ZNFX1: variants seen among roughly 807,000 people sequenced by gnomAD.
The protein encoded by ZNFX1 is zinc finger NFX1-type containing 1.
A neutral mutation model predicts 179.8 loss-of-function variants in ZNFX1; 78 were observed. That is an observed-to-expected ratio of 0.43 (90% CI 0.36 to 0.52). The LOEUF (loss-of-function observed/expected upper bound fraction) is 0.52. ZNFX1 is among the 20% of genes least tolerant of loss of function. The probability of loss-of-function intolerance (pLI) is 0.00; values close to 1 mark genes in which losing one functional copy is unlikely to be tolerated. For synonymous variants in ZNFX1, 848 were observed against 868.5 expected (o/e 0.98, Z 0.42); for missense variants, 1,927 against 2,386.6 (o/e 0.81, Z 4.01).
chr20:49,269,446 C>T (rs1252444784), intron 3 of ZNFX1, among the ~76,000 whole-genome samples: 2 of 152,128 alleles, frequency 1.3e-5, no homozygotes, highest in Non-Finnish European at 2.9e-5. Context: ...CTTTGGGAGG[C>T]CAAGGCAGGT....
intron 1 of ZNFX1, among the ~76,000 whole-genome samples, chr20:49,276,507 C>T (rs762009403): frequency 2.6e-5 from 4 of 152,204 alleles, no homozygotes; most frequent in African/African-American, 4.8e-5. Flanking sequence ...TTGGCAACTA[C>T]GAGGTGCTGT....
At position 49,247,848 on chromosome 20, in the gene ZNFX1, C is replaced by T; in HGVS notation, c.5176G>A (p.Glu1726Lys). The T allele has an allele frequency of 1.2e-6, 2 of 1,614,160 alleles. No homozygotes were observed. The highest frequency in any genetic ancestry group is 1.1e-5 in the South Asian group (1 of 91,074). ...WDSLKKMHVL[E>K]EKRVRTRLEQ... The stretch of plus-strand genomic sequence containing the variant: ...AGTCGAGTCCTCACTCTTTTCTCTT[C>T]TAAGACATGCATCTTTTTCAGGGAA... Residue 1726 changes from glutamate to lysine, a missense_variant, in exon 14 of 14, where the codon GAA becomes AAA. By Grantham distance (56) the Glu-to-Lys change is moderately conservative. Coordinates refer to ENST00000396105, the MANE Select transcript of ZNFX1 (RefSeq NM_021035.3).
Position 49,247,207 on chromosome 20 carries a change from T to G in ZNFX1, c.*60A>C. 1 of 1,534,580 alleles carries G rather than the reference T, an allele frequency of 6.5e-7. No homozygotes were observed. The highest frequency in any genetic ancestry group is 1.9e-4 in the Middle Eastern group (1 of 5,142). On this transcript the variant is annotated 3_prime_UTR_variant, in exon 14 of 14. Transcript: ENST00000396105. Reference sequence around the variant, plus strand: ...TAAAAAACAAACTTCAGTTCCTTCATTAGGGAGCTGGCCCCAGTCATTCAG... The same window carrying G: ...TAAAAAACAAACTTCAGTTCCTTCAGTAGGGAGCTGGCCCCAGTCATTCAG...
At chr20:49,250,697 G>A (rs1010296076) in intron 13 of ZNFX1, among the ~76,000 whole-genome samples, 1 of 152,038 alleles carries the variant, frequency 6.6e-6, no homozygotes, top group Non-Finnish European at 1.5e-5. Context: ...GATTACAGGC[G>A]CCCACCACCA....
Position 49,270,069 on chromosome 20 carries a change from T to C in ZNFX1, c.1743A>G (p.Arg581=), listed in dbSNP as rs371268973. 85 of 1,614,132 alleles carry C rather than the reference T, an allele frequency of 5.3e-5. No individual in the cohort carries two copies. In the East Asian group the frequency reaches 1.2e-3, roughly 23 times the overall value. The change falls in exon 3 of 14, where the codon AGA becomes AGG. Residue 581 remains arginine (R), a synonymous_variant. Transcript: ENST00000396105. The surrounding 1 kb of genome is among the most constrained non-coding windows in gnomAD (Gnocchi z 4.6). ...ACTGGCCAGGATCTAAGACATTAATTCTGGGATGTCTCAAACCCTCGACAT... is the reference window on the plus strand; with the variant it reads ...ACTGGCCAGGATCTAAGACATTAATCCTGGGATGTCTCAAACCCTCGACAT... ...LRNVEGLRHP[R]INVLDPGQWP... is the part of the protein sequence containing the mutation.
In ZNFX1 at chr20:49,271,631, C is replaced by T. The variant is rs1981405389; in HGVS notation, c.181G>A (p.Ala61Thr). 1 of 1,614,000 alleles carries T rather than the reference C, an allele frequency of 6.2e-7. No individual in the cohort carries two copies. The highest frequency in any genetic ancestry group is 8.5e-7 in the Non-Finnish European group (1 of 1,180,022). ...GRHPRANNHP[A>T]AYWQREERFR... ...CTCTCTTCCCTCTGCCAGTAAGCAG[C>T]AGGATGGTTGTTGGCCCTAGGATGC... Residue 61 changes from alanine (A) to threonine (T), a missense_variant, in exon 3 of 14, where the codon GCT becomes ACT. Physicochemically the swap from Ala to Thr is moderately conservative, Grantham distance 58. Coordinates refer to ENST00000396105, the MANE Select transcript of ZNFX1 (RefSeq NM_021035.3).
chr20:49,248,637 G>A lies in ZNFX1; in HGVS notation c.4387C>T (p.Gln1463Ter). The change falls in exon 14 of 14, where the codon CAG becomes TAG. Residue 1463 changes from glutamine to a stop codon, truncating the protein, a stop_gained. Coordinates refer to ENST00000396105, the MANE Select transcript of ZNFX1 (RefSeq NM_021035.3). LOFTEE classifies it high-confidence loss of function. The surrounding 1 kb of genome is among the most constrained non-coding windows in gnomAD (Gnocchi z 4.6). ...CAGATAAGCAGGCGCTTGCAGGGCT[G>A]CTGACAGCGTTCATGGAAACGCCCT... ...FEGRFHERCQ[Q>*]PCKRLLICSH... 1 of 1,613,902 alleles carries A rather than the reference G, an allele frequency of 6.2e-7. No homozygotes were observed.
At chr20:49,277,363 A>T (rs1458819295) in intron 1 of ZNFX1, among the ~76,000 whole-genome samples, 1 of 106,324 alleles carries the variant, frequency 9.4e-6, no homozygotes, top group Non-Finnish European at 1.9e-5. Context: ...GGCCTTGGGG[A>T]GAGGGTGGTA....
At position 49,259,802 on chromosome 20, in the gene ZNFX1, C is replaced by T. The variant is rs147148641; in HGVS notation, c.2416+661G>A. Among the ~76,000 whole-genome samples the T allele has an allele frequency of 4.8e-4, 73 of 152,284 alleles. No individual in the cohort carries two copies. In the East Asian group the frequency reaches 0.013, roughly 28 times the overall value. On this transcript the variant is annotated intron_variant, in intron 7 of 13. Transcript: ENST00000396105. The stretch of plus-strand genomic sequence containing the variant: ...GTATATGCTGTGTTTCATTCCTTTT[C>T]ACTGTTGTACAGTATTTCATTATCT...
At position 49,278,047 on chromosome 20, in the gene ZNFX1, C is replaced by A. The variant is rs1601002145; in HGVS notation, c.-75G>T. 1.3e-5 allele frequency: 2 copies of A among 152,520 alleles called. No individual in the cohort carries two copies. The highest frequency in any genetic ancestry group is 2.0e-4 in the South Asian group (1 of 4,960). The allele number at this position is 152,520 out of a possible 1,614,324, so 9.4% of individuals were successfully genotyped here. ...CGGCTCCGGCGCGTCCTTTCACTGCCGCCGGCGAGTGCTGGGGCTTCGGCC... is the reference window on the plus strand; with the variant it reads ...CGGCTCCGGCGCGTCCTTTCACTGCAGCCGGCGAGTGCTGGGGCTTCGGCC... On this transcript the variant is annotated 5_prime_UTR_variant, in exon 1 of 14. Transcript: ENST00000396105.
In ZNFX1 at chr20:49,259,878, GTTCT is replaced by G. The variant is rs537689675; in HGVS notation, c.2416+581_2416+584del. On this transcript the variant is annotated intron_variant, in intron 7 of 13. Transcript: ENST00000396105. ...TGAAGAAATGTTGATGAACATTTGA[GTTCT>G]TTCTGATTTTCTGCTATGATAAAGT... is the stretch of plus-strand genomic sequence containing the variant. Among the ~76,000 whole-genome samples the G allele has an allele frequency of 1.7e-3, 262 of 152,256 alleles. 1 individual carries two copies. Among genetic ancestry groups the G allele is most frequent in the African/African-American group, 6.1e-3 (255 of 41,556 alleles).
chr20:49,252,988 G>A lies in ZNFX1; in HGVS notation c.3106-158C>T, dbSNP rs892768739. On this transcript the variant is annotated intron_variant, in intron 11 of 13. Transcript: ENST00000396105. The stretch of plus-strand genomic sequence containing the variant: ...CAGTTTAAGGATTAATAATGACAAG[G>A]GTTAAGGATTAGTAGAACTAAAGGT... Among the ~76,000 whole-genome samples, 74 of 152,198 alleles carry A rather than the reference G, an allele frequency of 4.9e-4. 1 individual carries two copies. Among genetic ancestry groups the A allele is most frequent in the Non-Finnish European group, 3.1e-4 (21 of 68,046 alleles).
At position 49,246,690 on chromosome 20, in the gene ZNFX1, G is replaced by C. The variant is rs2146725960; in HGVS notation, c.*577C>G. 5.5e-6 allele frequency: 2 copies of C among 363,972 alleles called. No homozygotes were observed. The highest frequency in any genetic ancestry group is 4.2e-5 in the South Asian group (2 of 48,018). The allele number at this position is 363,972 out of a possible 1,614,324, so 22.5% of individuals were successfully genotyped here. On this transcript the variant is annotated 3_prime_UTR_variant, in exon 14 of 14. Coordinates refer to ENST00000396105, the MANE Select transcript of ZNFX1 (RefSeq NM_021035.3). ...TACCACTAGGTGGCCCTAGGTGGAA[G>C]CCCCAAACATGTTCCAGGGAGTCTG...
At chr20:49,254,187 C>T (rs1980912266) in intron 10 of ZNFX1, among the ~76,000 whole-genome samples, 1 of 152,142 alleles carries the variant, frequency 6.6e-6, no homozygotes, top group Non-Finnish European at 1.5e-5. Context: ...CCACTACACC[C>T]AGCTAATTTT....
At chr20:49,256,285 G>A (rs1009018520) in intron 8 of ZNFX1, among the ~76,000 whole-genome samples, 1 of 152,140 alleles carries the variant, frequency 6.6e-6, no homozygotes, top group Non-Finnish European at 1.5e-5. Flanking sequence ...GAGTAAATAC[G>A]TGGAAAGCAT....
chr20:49,257,469 T>C lies in ZNFX1; in HGVS notation c.2612A>G (p.His871Arg). The C allele has an allele frequency of 6.2e-7, 1 of 1,614,102 alleles. No individual in the cohort carries two copies. The highest frequency in any genetic ancestry group is 8.5e-7 in the Non-Finnish European group (1 of 1,180,026). The change falls in exon 8 of 14, where the codon CAT becomes CGT. Residue 871 changes from histidine (H) to arginine (R), a missense_variant. Coordinates refer to ENST00000396105, the MANE Select transcript of ZNFX1 (RefSeq NM_021035.3). ...TCCAGCTGCTGTCCCAGTGCCACAA[T>C]GGTCTAGCCTCATGGCCAGAAGCAT... The part of the protein sequence containing the change: ...AKMLLAMRLD[H>R]CGTGTAAGQE...
chr20:49,251,692 G>T (rs757190463), intron 12 of ZNFX1, 70 bp from the exon 13 acceptor site: 96 of 1,387,256 alleles, frequency 6.9e-5, no homozygotes, highest in Non-Finnish European at 9.1e-5. Flanking sequence ...TAAAGATAAG[G>T]TTGCTGTTAG....
intron 12 of ZNFX1, among the ~76,000 whole-genome samples, chr20:49,251,956 A>T (rs780032449): frequency 4.6e-5 from 7 of 151,602 alleles, no homozygotes; most frequent in Non-Finnish European, 1.0e-4. Flanking sequence ...CAGCCTTCCA[A>T]AAGTAGCTGG....
chr20:49,250,810 C>T (rs747238768), intron 13 of ZNFX1, among the ~76,000 whole-genome samples: 11 of 152,096 alleles, frequency 7.2e-5, no homozygotes, highest in South Asian at 4.1e-4. Flanking sequence ...TCTTGGCCTC[C>T]GAAAGTGCTG....
Sources: allele counts gnomAD v4.1 joint callset (sites outside exome capture counted in the v4.1 genomes callset), GRCh38; gene constraint gnomAD v4.1.1; non-coding constraint Gnocchi (gnomAD v3.1); transcripts MANE v1.5; gene names NCBI Gene and HGNC (gene_info 2026-07-23, HGNC 2026-07-21).